Variants in C5 observed in about 807,000 individuals in gnomAD.
C5 encodes the protein C3 and PZP-like alpha-2-macroglobulin domain-containing protein 4.
Under a neutral mutation model 218.8 loss-of-function variants are expected in C5, and 140 were observed. The ratio of observed to expected loss-of-function variants is 0.64; its 90% CI spans 0.56 to 0.74. The LOEUF (loss-of-function observed/expected upper bound fraction) is 0.74, where lower values mean the gene tolerates loss of function less well. C5 is among the 30% of genes least tolerant of loss of function. The probability of loss-of-function intolerance (pLI) is 0.00; values close to 1 mark genes in which losing one functional copy is unlikely to be tolerated. For missense variants in C5, 1,700 were observed against 1,969.6 expected (o/e 0.86, Z 2.59); for synonymous variants, 614 against 682.3 (o/e 0.90, Z 1.56).
chr9:121,002,290 G>GTA (rs1246255640), intron 20 of C5, among the ~76,000 whole-genome samples: 1 of 101,260 alleles, frequency 9.9e-6, no homozygotes, highest in Non-Finnish European at 2.1e-5. Flanking sequence ...ACGTATATAT[G>GTA]TATATATGTA....
intron 39 of C5, chr9:120,956,949 C>G (rs1254403341): frequency 2.9e-6 from 1 of 341,680 alleles, no homozygotes; most frequent in Non-Finnish European, 5.7e-6. Context: ...ACAAAATGAT[C>G]TATATACCAA....
rs556760698 is a variant in C5, at chr9:121,032,433, G to A, written c.585-238C>T. On this transcript the variant is annotated intron_variant, in intron 5 of 40. Transcript: ENST00000223642. Reference sequence around the variant, plus strand: ...TTCATATATTGTATTATTTTTCCTGGTATTTTATCTTAATACAGTCATTAG... The same window carrying A: ...TTCATATATTGTATTATTTTTCCTGATATTTTATCTTAATACAGTCATTAG... Among the ~76,000 whole-genome samples the A allele has an allele frequency of 1.3e-3, 205 of 152,010 alleles. 1 individual carries two copies. Among genetic ancestry groups the A allele is most frequent in the African/African-American group, 4.7e-3 (196 of 41,486 alleles).
chr9:120,961,710 A>T, intron 36 of C5, 145 bp from the exon 37 acceptor site: 3 of 692,402 alleles, frequency 4.3e-6, no homozygotes, highest in Middle Eastern at 3.0e-4. Flanking sequence ...AGGTAAAATT[A>T]TGAATTGGCT....
chr9:121,030,632 T>C, intron 6 of C5, 145 bp from the exon 7 acceptor site: 1 of 586,538 alleles, frequency 1.7e-6, no homozygotes, highest in South Asian at 2.3e-5. Context: ...ATCATCGTCA[T>C]CATCGTCATC....
chr9:120,984,928 G>T (rs774693775), intron 25 of C5, among the ~76,000 whole-genome samples: 12 of 151,784 alleles, frequency 7.9e-5, no homozygotes, highest in Non-Finnish European at 1.6e-4. Context: ...CACCATGTTG[G>T]CCAGGCTGGT....
upstream of C5, among the ~76,000 whole-genome samples, chr9:121,053,030 C>T (rs1366873608): frequency 6.6e-6 from 1 of 152,104 alleles, no homozygotes. Context: ...AGAAATTCAG[C>T]CCATCAGATT....
At chr9:120,993,262 T>A (rs933799990) in intron 22 of C5, among the ~76,000 whole-genome samples, 41 of 152,172 alleles carry the variant, frequency 2.7e-4, no homozygotes, top group Admixed American at 1.3e-4. Context: ...TATGTATATA[T>A]CCTTTGACCC....
At chr9:120,960,699 G>A (rs1244900103) in intron 37 of C5, among the ~76,000 whole-genome samples, 1 of 152,172 alleles carries the variant, frequency 6.6e-6, no homozygotes, top group Non-Finnish European at 1.5e-5. Flanking sequence ...GCTATTGTTA[G>A]TGTTAGCGTA....
intron 27 of C5, 28 bp downstream of exon 27, chr9:120,981,816 G>T: frequency 6.9e-7 from 1 of 1,441,268 alleles, no homozygotes; most frequent in South Asian, 1.1e-5. Flanking sequence ...TAGATGATGG[G>T]TGTGAGAGAA....
At chr9:121,010,066 G>C (rs911427573) in intron 17 of C5, among the ~76,000 whole-genome samples, 3 of 152,216 alleles carry the variant, frequency 2.0e-5, no homozygotes, top group African/African-American at 7.2e-5. Context: ...AGGTTAACTT[G>C]AGGGGCAGTC....
In C5 at chr9:121,027,236, T is replaced by C. The variant is rs763190153; in HGVS notation, c.797A>G (p.Tyr266Cys). ...YNKVVTEADV[Y>C]ITFGIREDLK... ...GTCTTCTCTTATTCCAAATGTGATA[T>C]AAACGTCAGCCTCAGTGACTACTTT... is the stretch of plus-strand genomic sequence containing the variant. The change falls in exon 8 of 41, where the codon TAT becomes TGT. Residue 266 changes from tyrosine (Y) to cysteine (C), a missense_variant. By Grantham distance (194) the Tyr-to-Cys change is radical (BLOSUM62 -2). Coordinates refer to ENST00000223642, the MANE Select transcript of C5 (RefSeq NM_001735.3). 34 of 1,598,646 alleles carry C rather than the reference T, an allele frequency of 2.1e-5. No homozygotes were observed. The highest frequency in any genetic ancestry group is 2.7e-5 in the Non-Finnish European group (31 of 1,167,488).
chr9:121,027,703 T>C (rs915235788), intron 7 of C5, among the ~76,000 whole-genome samples: 1 of 152,176 alleles, frequency 6.6e-6, no homozygotes, highest in Admixed American at 6.5e-5. Flanking sequence ...TCAAGATGGA[T>C]TAAAGACTTA....
rs781375386 is a variant in C5 at position 120,971,965 on chromosome 9, T to G, written c.4045A>C (p.Ser1349Arg). Reference sequence around the variant, plus strand: ...GCCAAGCCACTGCCAAATCCTGTACTGACAATGAGGTCATCATTGAGAAGC... The same window carrying G: ...GCCAAGCCACTGCCAAATCCTGTACGGACAATGAGGTCATCATTGAGAAGC... The part of the protein sequence containing the change: ...EVLLNDDLIV[S>R]TGFGSGLATV... The change falls in exon 31 of 41, where the codon AGT (serine) becomes CGT (arginine). Residue 1349 changes from serine (S) to arginine (R), a missense_variant. By Grantham distance (110) the Ser-to-Arg change is moderately radical. Transcript: ENST00000223642. 1.7e-5 allele frequency: 27 copies of G among 1,613,390 alleles called. No individual in the cohort carries two copies. Among genetic ancestry groups the G allele is most frequent in the Non-Finnish European group, 2.2e-5 (26 of 1,179,596 alleles).
At chr9:121,063,747 T>C in the C5 span, among the ~76,000 whole-genome samples, 2 of 152,342 alleles carry the variant, frequency 1.3e-5, no homozygotes, top group African/African-American at 2.4e-5. Flanking sequence ...AAAAATTGTT[T>C]GCAGCAATAT....
the C5 span, among the ~76,000 whole-genome samples, chr9:121,066,861 A>AG: frequency 2.6e-5 from 2 of 76,634 alleles, no homozygotes; most frequent in African/African-American, 3.5e-5. Flanking sequence ...TCTCAAAAAA[A>AG]GAAAAAAAAA....
chr9:121,033,036 G>GTGTA (rs1224857372), intron 5 of C5, among the ~76,000 whole-genome samples: 1 of 151,360 alleles, frequency 6.6e-6, no homozygotes. Flanking sequence ...GTGTGTGTGT[G>GTGTA]TGTATGTATG....
intron 22 of C5, 28 bp from the exon 23 acceptor site, chr9:120,991,308 CAG>C (rs761659449): frequency 4.0e-6 from 5 of 1,255,124 alleles, no homozygotes; most frequent in African/African-American, 2.9e-5. Context: ...TGGATTTATA[CAG>C]AGTTTCCAGG....
At chr9:121,062,993 G>C in the C5 span, among the ~76,000 whole-genome samples, 3 of 151,896 alleles carry the variant, frequency 2.0e-5, no homozygotes, top group African/African-American at 7.3e-5. Flanking sequence ...GAGTTTTCTT[G>C]AATGTGTGGA....
At chr9:121,052,155 G>T (rs947862680), upstream of C5, among the ~76,000 whole-genome samples, 2 of 151,904 alleles carry the variant, frequency 1.3e-5, no homozygotes, top group African/African-American at 4.8e-5. Flanking sequence ...TCTAAATGTG[G>T]CTCACAGATG....
Sources: gnomAD v4.1 joint callset for allele counts (sites outside exome capture counted in the v4.1 genomes callset) on GRCh38, gnomAD v4.1.1 for gene constraint, MANE v1.5 for transcripts, NCBI Gene and HGNC (gene_info 2026-07-23, HGNC 2026-07-21) for gene names.